The following BCL2L13 variants were observed in gnomAD, a reference collection of about 807,000 sequenced individuals.
BCL2L13 encodes bcl-2-like protein 13.
In BCL2L13, 13 loss-of-function variants were observed where a neutral mutation model predicts 25.8. The observed-to-expected ratio is 0.50, with a 90% confidence interval of 0.33 to 0.80. The LOEUF is 0.80. Among genes scored for constraint, BCL2L13 ranks in the 30% least tolerant of loss-of-function variants. The probability of loss-of-function intolerance (pLI) is 0.02; values close to 1 mark genes in which losing one functional copy is unlikely to be tolerated. For synonymous variants in BCL2L13, 244 were observed against 230.3 expected (o/e 1.06, Z -0.54); for missense variants, 504 against 574.9 (o/e 0.88, Z 1.26).
chr22:17,698,305 G>A (rs1022718362), intron 5 of BCL2L13, among the ~76,000 whole-genome samples: 1 of 152,004 alleles, frequency 6.6e-6, no homozygotes, highest in African/African-American at 2.4e-5. Context: ...AGTAGAGACA[G>A]GGTCTTGCCA....
chr22:17,727,204 G>C lies in BCL2L13; in HGVS notation c.1128G>C (p.Leu376=). 6.2e-7 allele frequency: 1 copy of C among 1,614,248 alleles called. No individual in the cohort carries two copies. ...TVEKSSPATS[L]FVELDEEEVK... The stretch of plus-strand genomic sequence containing the variant: ...AGAAATCCAGCCCTGCTACATCTCT[G>C]TTTGTAGAACTTGATGAAGAAGAGG... Residue 376 remains leucine (L), a synonymous_variant, in exon 7 of 7, where the codon CTG becomes CTC. Coordinates refer to ENST00000317582, the MANE Select transcript of BCL2L13 (RefSeq NM_015367.4).
At chr22:17,643,503 T>A (rs1434903374) in intron 1 of BCL2L13, among the ~76,000 whole-genome samples, 1 of 152,222 alleles carries the variant, frequency 6.6e-6, no homozygotes, top group Non-Finnish European at 1.5e-5. Context: ...AGCTTTGGAC[T>A]CCATGTTAAC....
At chr22:17,719,827 CA>C (rs60474373) in intron 6 of BCL2L13, among the ~76,000 whole-genome samples, 35 of 91,132 alleles carry the variant, frequency 3.8e-4, no homozygotes, top group Middle Eastern at 6.0e-3. Context: ...GACTCCATCT[CA>C]AAAAAAAAAA....
At chr22:17,658,927 C>CA (rs1018962609) in intron 2 of BCL2L13, among the ~76,000 whole-genome samples, 59 of 149,346 alleles carry the variant, frequency 4.0e-4, no homozygotes, top group African/African-American at 1.4e-3. Context: ...GGCATGGTGG[C>CA]AGGCACCTGT....
intron 6 of BCL2L13, among the ~76,000 whole-genome samples, chr22:17,723,898 A>G (rs2145833940): frequency 6.6e-6 from 1 of 151,254 alleles, no homozygotes; most frequent in South Asian, 2.1e-4. Flanking sequence ...GCACCACTGC[A>G]CTCCAGCCTG....
chr22:17,660,720 C>T (rs2048824165), intron 2 of BCL2L13, among the ~76,000 whole-genome samples: 1 of 143,218 alleles, frequency 7.0e-6, no homozygotes. Context: ...CCACCACACC[C>T]AGTCTACACC....
intron 5 of BCL2L13, among the ~76,000 whole-genome samples, chr22:17,696,805 G>A (rs1421936389): frequency 3.3e-5 from 5 of 152,080 alleles, no homozygotes; most frequent in Non-Finnish European, 4.4e-5. Context: ...TGATTCTAGC[G>A]TCTGTTTTTT....
intron 5 of BCL2L13, among the ~76,000 whole-genome samples, chr22:17,700,841 G>A (rs2060412003): frequency 6.6e-6 from 1 of 152,112 alleles, no homozygotes; most frequent in African/African-American, 2.4e-5. Flanking sequence ...GATTCCCCCA[G>A]GGCTGCTTTC....
chr22:17,631,668 G>GTATATATA (rs869084263), intron 1 of BCL2L13, among the ~76,000 whole-genome samples: 7 of 21,856 alleles, frequency 3.2e-4, no homozygotes, highest in African/African-American at 9.7e-4. Flanking sequence ...ATGTGTGTGT[G>GTATATATA]TGTATATATA....
intron 6 of BCL2L13, among the ~76,000 whole-genome samples, chr22:17,713,735 C>T (rs2060829385): frequency 6.6e-6 from 1 of 151,586 alleles, no homozygotes; most frequent in East Asian, 2.0e-4. Flanking sequence ...GCTGGGATTA[C>T]AGGCATGAGC....
intron 6 of BCL2L13, among the ~76,000 whole-genome samples, chr22:17,716,542 C>G (rs976006743): frequency 6.6e-6 from 1 of 152,234 alleles, no homozygotes; most frequent in East Asian, 1.9e-4. Context: ...AATGATGGCC[C>G]TAGCGATAGA....
At chr22:17,695,802 C>A (rs2060248294) in intron 4 of BCL2L13, 1 of 183,970 alleles carries the variant, frequency 5.4e-6, no homozygotes, top group African/African-American at 2.3e-5. Flanking sequence ...CTAATGAGAT[C>A]ATTTTTGTTA....
At chr22:17,702,840 A>G (rs1346272046) in intron 6 of BCL2L13, 1 of 152,238 alleles carries the variant, frequency 6.6e-6, no homozygotes, top group Non-Finnish European at 1.5e-5. Flanking sequence ...ATAGCCTACT[A>G]TCATGATCAA....
rs1362424175 is a variant in BCL2L13, at chr22:17,726,897, A to G, written c.821A>G (p.Glu274Gly). 1 of 1,614,120 alleles carries G rather than the reference A, an allele frequency of 6.2e-7. No homozygotes were observed. The highest frequency in any genetic ancestry group is 1.3e-5 in the African/African-American group (1 of 74,946). Reference protein sequence around the residue: ...TESLPVSLGPESWQQIAMDPE... With the variant: ...TESLPVSLGPGSWQQIAMDPE... The stretch of plus-strand genomic sequence containing the variant: ...AGCCTGCCAGTGTCACTAGGCCCTG[A>G]GTCCTGGCAGCAGATTGCAATGGAT... The change falls in exon 7 of 7, where the codon GAG (glutamate) becomes GGG (glycine). Residue 274 changes from glutamate (E) to glycine (G), a missense_variant. Transcript: ENST00000317582.
At position 17,727,667 on chromosome 22, in the gene BCL2L13, G is replaced by C; in HGVS notation, c.*133G>C. The C allele has an allele frequency of 4.7e-6, 6 of 1,271,222 alleles. No individual in the cohort carries two copies. Among genetic ancestry groups the C allele is most frequent in the Non-Finnish European group, 6.5e-6 (6 of 926,720 alleles). The allele number at this position is 1,271,222 out of a possible 1,614,324, so 78.7% of individuals were successfully genotyped here. ...TTGGGGACTTCTGCTCAACATGGCA[G>C]TGGCATGTTAGGCATGTTAGGGCTT... is the stretch of plus-strand genomic sequence containing the variant. On this transcript the variant is annotated 3_prime_UTR_variant, in exon 7 of 7. Coordinates refer to ENST00000317582, the MANE Select transcript of BCL2L13 (RefSeq NM_015367.4).
intron 5 of BCL2L13, among the ~76,000 whole-genome samples, chr22:17,696,775 C>CCAA (rs1282640224): frequency 1.3e-5 from 2 of 152,116 alleles, no homozygotes; most frequent in Admixed American, 1.3e-4. Context: ...AATATTGGAA[C>CCAA]CAACACTAGA....
intron 2 of BCL2L13, among the ~76,000 whole-genome samples, chr22:17,657,983 G>A (rs569322982): frequency 2.0e-5 from 3 of 151,228 alleles, no homozygotes; most frequent in Non-Finnish European, 2.9e-5. Flanking sequence ...CCACCAGCCC[G>A]GCTAATTTTT....
chr22:17,709,795 C>T (rs988732097), intron 6 of BCL2L13, among the ~76,000 whole-genome samples: 7 of 152,008 alleles, frequency 4.6e-5, no homozygotes, highest in African/African-American at 1.7e-4. Context: ...AAAACATTGA[C>T]CGGGTGCAGT....
At position 17,713,460 on chromosome 22, in the gene BCL2L13, A is replaced by ATTT. The variant is rs34378723; in HGVS notation, c.600+11090_600+11092dup. 8.6e-4 allele frequency among the ~76,000 whole-genome samples: 114 copies of ATTT among 132,186 alleles called. 2 individuals are homozygous for ATTT. Among genetic ancestry groups the ATTT allele is most frequent in the African/African-American group, 2.9e-3 (103 of 35,154 alleles). 86.7% of individuals were successfully genotyped at this position (132,186 alleles called of 152,430 possible). On this transcript the variant is annotated intron_variant, in intron 6 of 6. Coordinates refer to ENST00000317582, the MANE Select transcript of BCL2L13 (RefSeq NM_015367.4). ...TAAACCCATCATAAGTTGAAAATGC[A>ATTT]TTTTTTTTTTTTTTTTTTGGAGATG...
Sources: allele counts gnomAD v4.1 joint callset (sites outside exome capture counted in the v4.1 genomes callset), GRCh38; gene constraint gnomAD v4.1.1; transcripts MANE v1.5; gene names NCBI Gene and HGNC (gene_info 2026-07-23, HGNC 2026-07-21).